ZNF469: variants seen among roughly 807,000 people sequenced by gnomAD.
The protein encoded by ZNF469 is zinc finger protein 469.
Under a neutral mutation model 1.0 loss-of-function variants are expected in ZNF469, and 1 was observed. That is an observed-to-expected ratio of 1.00 (90% CI 0.35 to 4.73). The LOEUF is 4.73. Ranked by LOEUF, ZNF469 falls within the 30% of genes most tolerant of loss-of-function variation. The probability of loss-of-function intolerance (pLI) is 0.16; values close to 1 mark genes in which losing one functional copy is unlikely to be tolerated. For missense variants in ZNF469, 6,100 were observed against 5,356.3 expected, an observed-to-expected ratio of 1.14 and a Z score of -4.33; for synonymous variants, 2,703 against 2,363.4, an observed-to-expected ratio of 1.14 and a Z score of -4.17.
chr16:88,357,760 C>A, the ZNF469 span, among the ~76,000 whole-genome samples: 2 of 152,248 alleles, frequency 1.3e-5, no homozygotes, highest in African/African-American at 2.4e-5. Context: ...CCTTTTGTTG[C>A]CCATGCAATG....
At chr16:88,159,170 C>T in the ZNF469 span, among the ~76,000 whole-genome samples, 2 of 119,188 alleles carry the variant, frequency 1.7e-5, no homozygotes, top group African/African-American at 2.7e-5. Context: ...CTATGTGGAC[C>T]ACTCACTGTC....
rs1197871682 is a variant in ZNF469 at position 88,429,916 on chromosome 16, T to C, written c.2446T>C (p.Phe816Leu). 6.5e-7 allele frequency: 1 copy of C among 1,550,218 alleles called. No homozygotes were observed. The highest frequency in any genetic ancestry group is 8.7e-7 in the Non-Finnish European group (1 of 1,146,910). The change falls in exon 3 of 3, where the codon TTC becomes CTC. Residue 816 changes from phenylalanine (F) to leucine (L), a missense_variant. Transcript: ENST00000565624. ...CAAAGACGACCCCCTGAGGACAGGC[T>C]TCCTGCCCAGCCTGGCCGCCACCCC... Reference protein sequence around the residue: ...EGKDDPLRTGFLPSLAATPFP... With the variant: ...EGKDDPLRTGLLPSLAATPFP...
At chr16:88,211,501 C>G in the ZNF469 span, among the ~76,000 whole-genome samples, 23 of 151,828 alleles carry the variant, frequency 1.5e-4, no homozygotes, top group African/African-American at 5.3e-4. Flanking sequence ...TATTGTATTC[C>G]GAACGTTGTT....
At chr16:88,247,635 T>C in the ZNF469 span, among the ~76,000 whole-genome samples, 5 of 149,358 alleles carry the variant, frequency 3.3e-5, no homozygotes, top group African/African-American at 1.2e-4. Flanking sequence ...TGAGTGAGAG[T>C]GAATGAGTGG....
the ZNF469 span, among the ~76,000 whole-genome samples, chr16:88,235,381 T>G: frequency 6.6e-6 from 1 of 152,060 alleles, no homozygotes; most frequent in Admixed American, 6.6e-5. Flanking sequence ...GTGGCCACCC[T>G]CCCCCAACAC....
chr16:88,111,624 G>T, the ZNF469 span, among the ~76,000 whole-genome samples: 2 of 152,044 alleles, frequency 1.3e-5, no homozygotes, highest in Admixed American at 1.3e-4. Flanking sequence ...AAGTGAAGAC[G>T]TGTTTTTGTT....
chr16:88,145,743 G>A, the ZNF469 span, among the ~76,000 whole-genome samples: 1 of 152,230 alleles, frequency 6.6e-6, no homozygotes. Flanking sequence ...CAGGCTTAGG[G>A]TGCTGCCCCA....
the ZNF469 span, among the ~76,000 whole-genome samples, chr16:88,142,563 G>A: frequency 1.1e-4 from 17 of 152,224 alleles, no homozygotes; most frequent in South Asian, 2.1e-4. Context: ...AGACCTCAGC[G>A]TGAGCCTCAA....
At chr16:88,106,746 T>C in the ZNF469 span, among the ~76,000 whole-genome samples, 1 of 152,250 alleles carries the variant, frequency 6.6e-6, no homozygotes, top group African/African-American at 2.4e-5. Context: ...CGTGGATGCC[T>C]GCTGGCCACC....
At chr16:88,140,683 G>A in the ZNF469 span, among the ~76,000 whole-genome samples, 2 of 152,206 alleles carry the variant, frequency 1.3e-5, no homozygotes, top group African/African-American at 4.8e-5. Context: ...TGTAATCCCA[G>A]CACTTTGGGA....
the ZNF469 span, among the ~76,000 whole-genome samples, chr16:88,214,484 G>A: frequency 7.1e-6 from 1 of 141,264 alleles, no homozygotes; most frequent in African/African-American, 2.6e-5. Flanking sequence ...TTTTTTTTTA[G>A]AAGGTATGGT....
chr16:88,397,002 AGGAGACCCTCCTGAAGGGAGGCCG>A (rs1237459137), intron 1 of ZNF469, among the ~76,000 whole-genome samples: 4 of 141,634 alleles, frequency 2.8e-5, no homozygotes, highest in Non-Finnish European at 6.2e-5. Context: ...GGAGGCCGGG[AGGAGACCCTCCTGAAGGGAGGCCG>A]GGAGGAGACC....
the ZNF469 span, among the ~76,000 whole-genome samples, chr16:88,246,978 A>C: frequency 6.6e-6 from 1 of 150,710 alleles, no homozygotes; most frequent in Non-Finnish European, 1.5e-5. Flanking sequence ...TGAGTGAATG[A>C]GTGAATGAAT....
chr16:88,411,079 T>A (rs939889952), intron 1 of ZNF469, among the ~76,000 whole-genome samples: 4 of 152,198 alleles, frequency 2.6e-5, no homozygotes, highest in Non-Finnish European at 5.9e-5. Flanking sequence ...CCAGGGCGAC[T>A]CCTCTTAGCT....
chr16:88,137,129 C>T, the ZNF469 span, among the ~76,000 whole-genome samples: 303 of 152,288 alleles, frequency 2.0e-3, 5 homozygotes, highest in African/African-American at 7.1e-3. Flanking sequence ...GCCATGTGCA[C>T]ATACAACCGT....
chr16:88,320,531 C>T, the ZNF469 span, among the ~76,000 whole-genome samples: 1 of 152,150 alleles, frequency 6.6e-6, no homozygotes, highest in Admixed American at 6.5e-5. Flanking sequence ...TTACAGGCGC[C>T]CACCACCATA....
chr16:88,359,402 G>A, the ZNF469 span, among the ~76,000 whole-genome samples: 2,175 of 151,704 alleles, frequency 0.014, 62 homozygotes, highest in East Asian at 0.073. Flanking sequence ...TGAGTGTCCC[G>A]CGGGCTCGGT....
the ZNF469 span, among the ~76,000 whole-genome samples, chr16:88,239,703 ATATATATATATATTTTTTTTTTTTTTTT>A: frequency 6.3e-3 from 40 of 6,318 alleles, 3 homozygotes; most frequent in South Asian, 0.052. Context: ...ATATATATAT[ATATATATATATATTTTTTTTTTTTTTTT>A]TTTTTTTTTT....
the ZNF469 span, among the ~76,000 whole-genome samples, chr16:88,366,231 C>A: frequency 6.6e-6 from 1 of 151,678 alleles, no homozygotes; most frequent in Non-Finnish European, 1.5e-5. Flanking sequence ...CCATCATAAT[C>A]GTCACCACAA....
Sources: gnomAD v4.1 joint callset for allele counts (sites outside exome capture counted in the v4.1 genomes callset) on GRCh38, gnomAD v4.1.1 for gene constraint, MANE v1.5 for transcripts, NCBI Gene and HGNC (gene_info 2026-07-23, HGNC 2026-07-21) for gene names.